The following VPS13B variants were observed in gnomAD, a reference collection of about 807,000 sequenced individuals.
The protein encoded by VPS13B is vacuolar protein sorting 13 homolog B, also known as intermembrane lipid transfer protein VPS13B.
Under a neutral mutation model 426.4 loss-of-function variants are expected in VPS13B, and 285 were observed. That is an observed-to-expected ratio of 0.67 (90% confidence interval 0.61 to 0.74). The LOEUF is 0.74. VPS13B is among the 30% of genes least tolerant of loss of function. VPS13B has a pLI of 0.00. For missense variants in VPS13B, 4,537 were observed against 4,782.6 expected, an observed-to-expected ratio of 0.95 and a Z score of 1.51; for synonymous variants, 1,676 against 1,676.4, an observed-to-expected ratio of 1.00 and a Z score of 0.01.
Position 99,501,750 on chromosome 8 carries a change from A to G in VPS13B, c.3934A>G (p.Thr1312Ala). The change falls in exon 26 of 62, where the codon ACA becomes GCA. Residue 1312 changes from threonine (T) to alanine (A), a missense_variant. Coordinates refer to ENST00000357162, the MANE Select transcript of VPS13B (RefSeq NM_152564.5). ...AGATTCTGTGACCTTGGAACAAACT[A>G]CAAGTAATATTGGAGGAACCAGTGG... ...FSDSVTLEQT[T>A]SNIGGTSGRV... 6.2e-7 allele frequency: 1 copy of G among 1,614,134 alleles called. No homozygotes were observed. The highest frequency in any genetic ancestry group is 1.1e-5 in the South Asian group (1 of 91,086).
chr8:99,207,483 T>C (rs1221367747), intron 17 of VPS13B, among the ~76,000 whole-genome samples: 1 of 152,172 alleles, frequency 6.6e-6, no homozygotes. Flanking sequence ...AGGTGTCCTT[T>C]AGTGAAAGAA....
intron 33 of VPS13B, among the ~76,000 whole-genome samples, chr8:99,583,975 T>C (rs1826192112): frequency 6.6e-6 from 1 of 152,056 alleles, no homozygotes; most frequent in Non-Finnish European, 1.5e-5. Context: ...ATGCATAGGG[T>C]GACCTCCTAT....
Position 99,717,347 on chromosome 8 carries a change from A to G in VPS13B, c.6631A>G (p.Ile2211Val), listed in dbSNP as rs369932118. ...GPEQSIPKIS[I>V]DLRGGLLQVF... ...AGAACAATCCATACCAAAAATATCC[A>G]TTGACTTAAGAGGAGGTCTACTACA... Residue 2211 changes from isoleucine (I) to valine (V), a missense_variant, in exon 37 of 62, where the codon ATT becomes GTT. Coordinates refer to ENST00000357162, the MANE Select transcript of VPS13B (RefSeq NM_152564.5). The G allele has an allele frequency of 5.6e-6, 9 of 1,614,020 alleles. No homozygotes were observed. The highest frequency in any genetic ancestry group is 5.0e-5 in the Admixed American group (3 of 59,968).
At chr8:99,686,900 T>G (rs577597712) in intron 35 of VPS13B, among the ~76,000 whole-genome samples, 10 of 151,994 alleles carry the variant, frequency 6.6e-5, no homozygotes, top group Admixed American at 3.3e-4. Flanking sequence ...TACCCTTCAC[T>G]TTTCTATCTC....
At chr8:99,333,155 CAT>C (rs1208577062) in intron 19 of VPS13B, among the ~76,000 whole-genome samples, 1 of 151,606 alleles carries the variant, frequency 6.6e-6, no homozygotes, top group African/African-American at 2.4e-5. Context: ...AAGAATCTGA[CAT>C]TTAGAAATGT....
intron 19 of VPS13B, among the ~76,000 whole-genome samples, chr8:99,357,924 TGG>T (rs1563685776): frequency 6.6e-6 from 1 of 152,136 alleles, no homozygotes; most frequent in African/African-American, 2.4e-5. Flanking sequence ...TATGTGACCA[TGG>T]GCAACTTTCT....
Position 99,511,438 on chromosome 8 carries a change from C to T in VPS13B, c.4559C>T (p.Pro1520Leu). ...CATACACTGACATCCCGCAATTTAC[C>T]TTTGATTTATGTCAACACAAGTGTA... is the stretch of plus-strand genomic sequence containing the variant. ...RTHTLTSRNL[P>L]LIYVNTSVIR... is the part of the protein sequence containing the mutation. Residue 1520 changes from proline (P) to leucine (L), a missense_variant, in exon 29 of 62, where the codon CCT becomes CTT. Coordinates refer to ENST00000357162, the MANE Select transcript of VPS13B (RefSeq NM_152564.5). The T allele has an allele frequency of 6.2e-7, 1 of 1,613,288 alleles. No homozygotes were observed.
In VPS13B at chr8:99,449,688, T is replaced by C. The variant is rs1392868116; in HGVS notation, c.3445+7053T>C. Among the ~76,000 whole-genome samples the C allele has an allele frequency of 3.9e-5, 6 of 152,290 alleles. No individual in the cohort carries two copies. The East Asian group carries it at 9.6e-4, about 24-fold the overall frequency. The stretch of plus-strand genomic sequence containing the variant: ...TAGTCTTATGGCTTAAGACGTAAGA[T>C]TGGATCATGTATAAATGATTAGATC... On this transcript the variant is annotated intron_variant, in intron 23 of 61. Coordinates refer to ENST00000357162, the MANE Select transcript of VPS13B (RefSeq NM_152564.5).
chr8:99,198,082 C>T (rs1322031267), intron 17 of VPS13B, among the ~76,000 whole-genome samples: 1 of 152,008 alleles, frequency 6.6e-6, no homozygotes, highest in Non-Finnish European at 1.5e-5. Flanking sequence ...CTTCAAAAAA[C>T]GTTTTAATTT....
At chr8:99,184,884 T>C (rs1813135271) in intron 16 of VPS13B, among the ~76,000 whole-genome samples, 1 of 152,030 alleles carries the variant, frequency 6.6e-6, no homozygotes, top group South Asian at 2.1e-4. Flanking sequence ...CCAGCTACTC[T>C]GGAGGCTGAG....
At chr8:99,733,147 C>T (rs1833671731) in intron 39 of VPS13B, among the ~76,000 whole-genome samples, 1 of 152,158 alleles carries the variant, frequency 6.6e-6, no homozygotes, top group African/African-American at 2.4e-5. Context: ...TCTTTTATGA[C>T]TTGGTCTCTG....
chr8:99,600,196 G>C (rs578013325), intron 33 of VPS13B, among the ~76,000 whole-genome samples: 1 of 152,144 alleles, frequency 6.6e-6, no homozygotes, highest in East Asian at 1.9e-4. Flanking sequence ...GTTTTATATA[G>C]GTTAACTCCT....
chr8:99,022,240 AAT>A (rs879537745), intron 2 of VPS13B, among the ~76,000 whole-genome samples: 48 of 150,520 alleles, frequency 3.2e-4, no homozygotes, highest in African/African-American at 1.1e-3. Flanking sequence ...TTTCTACTCA[AAT>A]ATATATATAT....
At chr8:99,688,747 G>C (rs1003489510) in intron 35 of VPS13B, among the ~76,000 whole-genome samples, 2 of 152,176 alleles carry the variant, frequency 1.3e-5, no homozygotes, top group Non-Finnish European at 1.5e-5. Flanking sequence ...GTGGCAGATT[G>C]ATTAATAGAA....
chr8:99,051,743 C>T (rs905625334), intron 3 of VPS13B, among the ~76,000 whole-genome samples: 2 of 152,196 alleles, frequency 1.3e-5, no homozygotes, highest in Non-Finnish European at 2.9e-5. Context: ...AGAGGTCCTT[C>T]ACATCCCTTG....
intron 29 of VPS13B, among the ~76,000 whole-genome samples, chr8:99,516,530 T>A (rs1242285565): frequency 6.6e-6 from 1 of 152,078 alleles, no homozygotes; most frequent in East Asian, 1.9e-4. Context: ...GGCTCATGCC[T>A]GTAATACCAG....
chr8:99,504,653 T>C (rs1349000054), intron 27 of VPS13B, among the ~76,000 whole-genome samples: 3 of 152,170 alleles, frequency 2.0e-5, no homozygotes, highest in Non-Finnish European at 4.4e-5. Context: ...TGTAAACAGA[T>C]GTGCTATCAT....
At chr8:99,362,199 G>C (rs1812605704) in intron 19 of VPS13B, among the ~76,000 whole-genome samples, 1 of 142,674 alleles carries the variant, frequency 7.0e-6, no homozygotes, top group Non-Finnish European at 1.5e-5. Context: ...CTGGAGTGCA[G>C]TGGCGCGATC....
intron 35 of VPS13B, among the ~76,000 whole-genome samples, chr8:99,684,293 T>A (rs1831281222): frequency 6.6e-6 from 1 of 152,228 alleles, no homozygotes; most frequent in Non-Finnish European, 1.5e-5. Context: ...ACTTTTAGTA[T>A]CGGTAATGAT....
Sources: gnomAD v4.1 joint callset for allele counts (sites outside exome capture counted in the v4.1 genomes callset) on GRCh38, gnomAD v4.1.1 for gene constraint, MANE v1.5 for transcripts, NCBI Gene and HGNC (gene_info 2026-07-23, HGNC 2026-07-21) for gene names.